TEK: variants seen among roughly 807,000 people sequenced by gnomAD.
TEK encodes the protein angiopoietin-1 receptor.
Under a neutral mutation model 131.8 loss-of-function variants are expected in TEK, and 43 were observed. The ratio of observed to expected loss-of-function variants is 0.33; its 90% confidence interval spans 0.26 to 0.42. The LOEUF (loss-of-function observed/expected upper bound fraction) is 0.42. Ranked by LOEUF, TEK falls within the 10% of genes least tolerant of loss-of-function variation. The pLI, the probability that TEK is intolerant of heterozygous loss-of-function variation, is 1.00. For missense variants in TEK, 1,162 were observed against 1,384.4 expected, an observed-to-expected ratio of 0.84 and a Z score of 2.55; for synonymous variants, 580 against 491.6, an observed-to-expected ratio of 1.18 and a Z score of -2.38.
rs1587044963 is a variant in TEK at position 27,220,218 on chromosome 9, A to G, written c.3200+73A>G. 1.1e-5 allele frequency: 16 copies of G among 1,426,000 alleles called. No homozygotes were observed. In the East Asian group the frequency reaches 3.7e-4, roughly 33 times the overall value. 88.3% of individuals were successfully genotyped at this position (1,426,000 alleles called of 1,614,324 possible). The stretch of plus-strand genomic sequence containing the variant: ...TGTGTTTCTGGGGCCAGCTGACTCT[A>G]GCAAAGTCAGCCGGTATACACTATA... On this transcript the variant is annotated intron_variant, in intron 21 of 22. Coordinates refer to ENST00000380036, the MANE Select transcript of TEK (RefSeq NM_000459.5).
chr9:27,206,504 A>G (rs1825405288), intron 14 of TEK, 78 bp from the exon 15 acceptor site: 2 of 1,451,328 alleles, frequency 1.4e-6, no homozygotes, highest in African/African-American at 1.4e-5. Flanking sequence ...TCTGGTGTGG[A>G]TGCCAACCAG....
At chr9:27,155,219 G>C (rs755212277) in intron 1 of TEK, among the ~76,000 whole-genome samples, 28 of 152,356 alleles carry the variant, frequency 1.8e-4, no homozygotes, top group Non-Finnish European at 3.2e-4. Flanking sequence ...GGAAGGGGAG[G>C]TGTGTGCTGG....
chr9:27,134,266 TTAG>T (rs1822333682), intron 1 of TEK, among the ~76,000 whole-genome samples: 1 of 152,228 alleles, frequency 6.6e-6, no homozygotes, highest in East Asian at 1.9e-4. Flanking sequence ...TGTACTTGGA[TTAG>T]AGAGTTAACA....
chr9:27,217,451 A>G (rs1209325839), intron 18 of TEK, among the ~76,000 whole-genome samples: 1 of 152,206 alleles, frequency 6.6e-6, no homozygotes, highest in Non-Finnish European at 1.5e-5. Context: ...ACCGACTACC[A>G]TGCGTGCACA....
chr9:27,226,131 T>G (rs527539410), intron 21 of TEK, among the ~76,000 whole-genome samples: 2 of 152,182 alleles, frequency 1.3e-5, no homozygotes, highest in Admixed American at 6.5e-5. Context: ...ACACTGTTGG[T>G]GGGAGTGTAA....
At chr9:27,226,709 A>G (rs117325898) in intron 21 of TEK, among the ~76,000 whole-genome samples, 8,997 of 152,256 alleles carry the variant, frequency 0.059, 414 homozygotes, top group Admixed American at 0.15. Context: ...TGTATCCCAG[A>G]ACTGAAAGTA....
At chr9:27,114,127 C>A (rs551431494) in intron 1 of TEK, among the ~76,000 whole-genome samples, 63 of 152,322 alleles carry the variant, frequency 4.1e-4, no homozygotes, top group African/African-American at 1.5e-3. Context: ...GATATTATTT[C>A]TTTTCTATTC....
In TEK at chr9:27,204,953, T is replaced by A; in HGVS notation, c.2252T>A (p.Ile751Asn). 1 of 1,614,090 alleles carries A rather than the reference T, an allele frequency of 6.2e-7. No homozygotes were observed. The highest frequency in any genetic ancestry group is 2.2e-5 in the East Asian group (1 of 44,878). Residue 751 changes from isoleucine (I) to asparagine (N), a missense_variant, in exon 14 of 23, where the codon ATC (isoleucine) becomes AAC (asparagine). By Grantham distance (149) the Ile-to-Asn change is moderately radical (BLOSUM62 -3). Around this residue, in one of 6 missense-constraint regions of TEK, gnomAD observed 477 missense variants for 471.0 expected, o/e 1.01. Coordinates refer to ENST00000380036, the MANE Select transcript of TEK (RefSeq NM_000459.5). Reference protein sequence around the residue: ...LGGGKMLLIAILGSAGMTCLT... With the variant: ...LGGGKMLLIANLGSAGMTCLT... Reference sequence around the variant, plus strand: ...GGGGGGAAGATGCTGCTTATAGCCATCCTTGGCTCTGCTGGAATGACCTGC... The same window carrying A: ...GGGGGGAAGATGCTGCTTATAGCCAACCTTGGCTCTGCTGGAATGACCTGC...
chr9:27,129,420 C>G (rs1822126436), intron 1 of TEK, among the ~76,000 whole-genome samples: 1 of 152,174 alleles, frequency 6.6e-6, no homozygotes, highest in Admixed American at 6.5e-5. Context: ...TTTCTCTTCT[C>G]TTCCACAGCC....
rs1826413905 is a variant in TEK at position 27,228,189 on chromosome 9, A to G, written c.3201-17A>G. ...GCACAGTTATAGAATTAACCCTTTA[A>G]TTCTTTGCTTTCGAAGGTATGATCT... On this transcript the variant is annotated splice_polypyrimidine_tract_variant and intron_variant, in intron 21 of 22. Coordinates refer to ENST00000380036, the MANE Select transcript of TEK (RefSeq NM_000459.5). 2 of 1,604,438 alleles carry G rather than the reference A, an allele frequency of 1.2e-6. No homozygotes were observed. The highest frequency in any genetic ancestry group is 1.7e-6 in the Non-Finnish European group (2 of 1,171,758).
intron 5 of TEK, among the ~76,000 whole-genome samples, 164 bp downstream of exon 5, chr9:27,172,911 T>C (rs184769657): frequency 1.2e-3 from 182 of 152,298 alleles, no homozygotes; most frequent in Non-Finnish European, 2.4e-3. Context: ...TCCTAAAGGT[T>C]CTTTAATGCC....
chr9:27,161,095 G>A (rs1348292490), intron 2 of TEK, among the ~76,000 whole-genome samples: 2 of 152,176 alleles, frequency 1.3e-5, no homozygotes, highest in East Asian at 1.9e-4. Context: ...AACATGTAAA[G>A]CAAACTGGAC....
intron 1 of TEK, among the ~76,000 whole-genome samples, chr9:27,144,166 C>T (rs1176447990): frequency 6.6e-6 from 1 of 152,068 alleles, no homozygotes; most frequent in Non-Finnish European, 1.5e-5. Context: ...CCTGTAGTCC[C>T]AGCTACTTGG....
intron 19 of TEK, 140 bp downstream of exon 19, chr9:27,217,898 C>T: frequency 1.3e-6 from 1 of 792,308 alleles, no homozygotes. Flanking sequence ...AATAAATTAG[C>T]AGAATAAAGC....
intron 8 of TEK, among the ~76,000 whole-genome samples, chr9:27,185,096 T>C (rs902322287): frequency 4.0e-5 from 6 of 151,868 alleles, no homozygotes; most frequent in African/African-American, 1.5e-4. Context: ...ATTTTTCCAG[T>C]ACTCCCCACT....
intron 2 of TEK, among the ~76,000 whole-genome samples, chr9:27,163,418 T>C (rs779795812): frequency 1.1e-4 from 17 of 152,142 alleles, no homozygotes; most frequent in Non-Finnish European, 8.8e-5. Context: ...GTTCCAGGTG[T>C]TGTGTGAGGT....
chr9:27,116,061 G>A (rs79079945), intron 1 of TEK, among the ~76,000 whole-genome samples: 1,846 of 152,270 alleles, frequency 0.012, 42 homozygotes, highest in African/African-American at 0.042. Flanking sequence ...AACATTCCAG[G>A]CAAGAGGACT....
At chr9:27,172,259 C>T (rs1823986119) in intron 4 of TEK, among the ~76,000 whole-genome samples, 1 of 152,144 alleles carries the variant, frequency 6.6e-6, no homozygotes, top group African/African-American at 2.4e-5. Flanking sequence ...CCTGGACATG[C>T]CATGCTGTCT....
intron 6 of TEK, among the ~76,000 whole-genome samples, chr9:27,174,155 T>C (rs1418758077): frequency 6.6e-6 from 1 of 152,312 alleles, no homozygotes; most frequent in East Asian, 1.9e-4. Context: ...ACATCTACTG[T>C]TGCATAGTAG....
Sources: gnomAD v4.1 joint callset for allele counts (sites outside exome capture counted in the v4.1 genomes callset) on GRCh38, gnomAD v4.1.1 for gene constraint, gnomAD v4.1.1 regional missense constraint, MANE v1.5 for transcripts, NCBI Gene and HGNC (gene_info 2026-07-23, HGNC 2026-07-21) for gene names.